Variants in CSGALNACT1 observed in about 807,000 individuals in gnomAD.
CSGALNACT1 encodes the protein chondroitin sulfate N-acetylgalactosaminyltransferase 1.
A neutral mutation model predicts 51.0 loss-of-function variants in CSGALNACT1; 52 were observed. The observed-to-expected ratio is 1.02, with a 90% CI of 0.82 to 1.29. The LOEUF is 1.29. Among genes scored for constraint, CSGALNACT1 ranks in the 50% most tolerant of loss-of-function variants. The pLI is 0.00. For missense variants in CSGALNACT1, 935 were observed against 679.2 expected (o/e 1.38, Z -4.19); for synonymous variants, 341 against 254.4 (o/e 1.34, Z -3.24).
chr8:19,622,124 AT>A (rs1432024457), intron 1 of CSGALNACT1, among the ~76,000 whole-genome samples: 1 of 152,348 alleles, frequency 6.6e-6, no homozygotes, highest in East Asian at 1.9e-4. Flanking sequence ...GTTATGTAAT[AT>A]TTTTATAATA....
chr8:19,728,257 C>A (rs1305484006), intron 1 of CSGALNACT1, among the ~76,000 whole-genome samples: 1 of 152,098 alleles, frequency 6.6e-6, no homozygotes, highest in Admixed American at 6.5e-5. Context: ...ATGATAATTT[C>A]TACATGATTC....
At chr8:19,488,954 G>A (rs2073753554) in intron 4 of CSGALNACT1, among the ~76,000 whole-genome samples, 1 of 152,072 alleles carries the variant, frequency 6.6e-6, no homozygotes, top group Non-Finnish European at 1.5e-5. Context: ...CAGGATCCTT[G>A]AAAATGAATA....
intron 1 of CSGALNACT1, among the ~76,000 whole-genome samples, chr8:19,737,551 A>G (rs1189992111): frequency 6.6e-6 from 1 of 152,152 alleles, no homozygotes; most frequent in East Asian, 1.9e-4. Flanking sequence ...AACTGGAAAA[A>G]CAATAGAATG....
intron 1 of CSGALNACT1, among the ~76,000 whole-genome samples, chr8:19,750,659 G>A (rs1185132227): frequency 6.6e-6 from 1 of 152,218 alleles, no homozygotes; most frequent in African/African-American, 2.4e-5. Flanking sequence ...AAGGAGTAGA[G>A]CTGGGATTCA....
chr8:19,687,068 C>T (rs531934440), upstream of CSGALNACT1, among the ~76,000 whole-genome samples: 67 of 152,172 alleles, frequency 4.4e-4, 1 homozygote, highest in South Asian at 0.01. Context: ...GTTATGATTG[C>T]GGTTTGGATC....
At chr8:19,553,989 G>T (rs2154086033) in intron 3 of CSGALNACT1, among the ~76,000 whole-genome samples, 1 of 151,466 alleles carries the variant, frequency 6.6e-6, no homozygotes. Context: ...AGAAAAATAA[G>T]AAAAGATAAC....
chr8:19,551,009 C>G (rs928269673), intron 3 of CSGALNACT1, among the ~76,000 whole-genome samples: 1 of 152,188 alleles, frequency 6.6e-6, no homozygotes, highest in Non-Finnish European at 1.5e-5. Context: ...CCAGCAATCA[C>G]CAGTTTTGGC....
At chr8:19,508,508 T>G (rs1326017729) in intron 3 of CSGALNACT1, among the ~76,000 whole-genome samples, 3 of 152,332 alleles carry the variant, frequency 2.0e-5, no homozygotes, top group Admixed American at 1.3e-4. Flanking sequence ...TTTATATAAT[T>G]ACTGTAATTC....
intron 5 of CSGALNACT1, among the ~76,000 whole-genome samples, chr8:19,452,019 T>C (rs1046105776): frequency 7.2e-5 from 11 of 152,362 alleles, no homozygotes; most frequent in Middle Eastern, 3.4e-3. Flanking sequence ...ATAGCAATCA[T>C]TGCAAACTGT....
intron 1 of CSGALNACT1, among the ~76,000 whole-genome samples, chr8:19,708,271 G>T (rs930554028): frequency 2.0e-5 from 3 of 152,186 alleles, no homozygotes; most frequent in African/African-American, 7.2e-5. Flanking sequence ...TGAGTTATGG[G>T]ACATTCCAGC....
At chr8:19,408,562 T>C (rs2054848450) in intron 9 of CSGALNACT1, 51 bp downstream of exon 8, 1 of 1,307,504 alleles carries the variant, frequency 7.6e-7, no homozygotes, top group African/African-American at 1.6e-5. Flanking sequence ...CTTCAAGGCC[T>C]ACATGGGCCC....
rs980200864 is a variant in CSGALNACT1, at chr8:19,634,483, G to C, written c.-543-32618C>G. Among the ~76,000 whole-genome samples, 3 of 152,220 alleles carry C rather than the reference G, an allele frequency of 2.0e-5. No individual in the cohort carries two copies. The South Asian group carries it at 6.2e-4, about 32-fold the overall frequency. ...TCCAGACCAGCCTGGGAAACACAAT[G>C]AGACCCTGTCTCTCCAAAACATTAA... On this transcript the variant is annotated intron_variant, in intron 1 of 9. Coordinates refer to the CSGALNACT1 transcript ENST00000332246.
At chr8:19,615,526 C>T (rs1258243978) in intron 1 of CSGALNACT1, among the ~76,000 whole-genome samples, 6 of 151,960 alleles carry the variant, frequency 3.9e-5, no homozygotes, top group South Asian at 2.1e-4. Flanking sequence ...TCTTCCAAAT[C>T]GTAAGAAAAC....
chr8:19,692,064 G>GAGC (rs138083913), intron 1 of CSGALNACT1, among the ~76,000 whole-genome samples: 1 of 151,488 alleles, frequency 6.6e-6, no homozygotes, highest in East Asian at 1.9e-4. Flanking sequence ...GAGCAAGCAA[G>GAGC]AGTAGGGAAA....
At chr8:19,658,940 C>G (rs1273635130) in intron 1 of CSGALNACT1, among the ~76,000 whole-genome samples, 1 of 152,112 alleles carries the variant, frequency 6.6e-6, no homozygotes, top group African/African-American at 2.4e-5. Context: ...ATTCAAAAGC[C>G]AGTACCTGGT....
chr8:19,443,843 A>G (rs761230368), intron 5 of CSGALNACT1, among the ~76,000 whole-genome samples: 17 of 152,118 alleles, frequency 1.1e-4, no homozygotes, highest in Non-Finnish European at 2.4e-4. Context: ...TTGCAGCATC[A>G]GGGACCAGTT....
chr8:19,525,650 G>T lies in CSGALNACT1; in HGVS notation c.-296-19520C>A, dbSNP rs570784845. On this transcript the variant is annotated intron_variant, in intron 3 of 9. Coordinates refer to ENST00000454498, the Ensembl canonical transcript of CSGALNACT1. ...AAAAAAAAAAAAAAAAAAAAAAAAA[G>T]TAGAGCCCACCATAAGCCTTGTGCA... Among the ~76,000 whole-genome samples the T allele has an allele frequency of 6.4e-3, 268 of 42,004 alleles. 7 individuals are homozygous for T. Among genetic ancestry groups the T allele is most frequent in the Admixed American group, 0.06 (243 of 4,074 alleles). 27.6% of individuals were successfully genotyped at this position (42,004 alleles called of 152,430 possible). A position where few individuals can be genotyped will look rare whatever the true frequency, so the allele number is the denominator to read the frequency against.
chr8:19,460,317 T>A (rs934630439), intron 4 of CSGALNACT1, among the ~76,000 whole-genome samples: 2 of 152,224 alleles, frequency 1.3e-5, no homozygotes, highest in Non-Finnish European at 2.9e-5. Context: ...CTTATATTGT[T>A]ATGATTATTC....
At chr8:19,538,614 G>A (rs984994649) in intron 3 of CSGALNACT1, among the ~76,000 whole-genome samples, 7 of 152,090 alleles carry the variant, frequency 4.6e-5, no homozygotes, top group Admixed American at 6.6e-5. Context: ...GCCAACATTC[G>A]GTGCATAAAG....
Sources: gnomAD v4.1 joint callset for allele counts (sites outside exome capture counted in the v4.1 genomes callset) on GRCh38, gnomAD v4.1.1 for gene constraint, MANE v1.5 for transcripts, NCBI Gene and HGNC (gene_info 2026-07-23, HGNC 2026-07-21) for gene names.